Variants in CAMTA1 observed in about 807,000 individuals in gnomAD.
CAMTA1 encodes calmodulin binding transcription activator 1, also known as calmodulin-binding transcription activator 1.
Under a neutral mutation model 170.9 loss-of-function variants are expected in CAMTA1, and 27 were observed. The observed-to-expected ratio is 0.16, with a 90% CI of 0.12 to 0.22. The LOEUF (loss-of-function observed/expected upper bound fraction) is 0.22, where lower values mean the gene tolerates loss of function less well. Ranked by LOEUF, CAMTA1 falls within the 10% of genes least tolerant of loss-of-function variation. The pLI, the probability that CAMTA1 is intolerant of heterozygous loss-of-function variation, is 1.00. For synonymous variants in CAMTA1, 833 were observed against 891.5 expected (o/e 0.93, Z 1.17); for missense variants, 1,619 against 2,217.2 (o/e 0.73, Z 5.42).
intron 16 of CAMTA1, among the ~76,000 whole-genome samples, chr1:7,743,004 A>G (rs1204801286): frequency 6.6e-6 from 1 of 152,018 alleles, no homozygotes; most frequent in Non-Finnish European, 1.5e-5. Context: ...CTGCACCACC[A>G]TATCTGGCTA....
chr1:7,452,256 C>T (rs1463455236), intron 5 of CAMTA1, among the ~76,000 whole-genome samples: 3 of 152,206 alleles, frequency 2.0e-5, no homozygotes, highest in African/African-American at 4.8e-5. Context: ...GGCCCCCCTC[C>T]GCCCTGCCAG....
intron 14 of CAMTA1, 50 bp downstream of exon 14, chr1:7,737,059 A>AAATCC: frequency 6.7e-7 from 1 of 1,485,920 alleles, no homozygotes; most frequent in Non-Finnish European, 9.4e-7. Context: ...CCAGTCTGGC[A>AAATCC]TAGGATTTGC....
chr1:7,371,326 G>A (rs1354563104), intron 5 of CAMTA1, among the ~76,000 whole-genome samples: 5 of 151,736 alleles, frequency 3.3e-5, no homozygotes, highest in South Asian at 2.1e-4. Context: ...GGCGTATCTC[G>A]GCTCACTGCA....
rs2096078684 is a variant in CAMTA1 at position 7,673,467 on chromosome 1, C to T, written c.2779+2430C>T. On this transcript the variant is annotated intron_variant, in intron 10 of 22. Transcript: ENST00000303635. The surrounding 1 kb of genome is among the most constrained non-coding windows in gnomAD (Gnocchi z 4.6). The stretch of plus-strand genomic sequence containing the variant: ...GCTCTTCCTTTCCCAAGGGGGAGTT[C>T]GGAGAGGGTACCAGGGCAGTTTGGG... 6.6e-6 allele frequency among the ~76,000 whole-genome samples: 1 copy of T among 152,222 alleles called. No homozygotes were observed.
At chr1:7,499,102 A>G (rs1286122123) in intron 6 of CAMTA1, among the ~76,000 whole-genome samples, 4 of 122,798 alleles carry the variant, frequency 3.3e-5, no homozygotes, top group Non-Finnish European at 6.7e-5. Flanking sequence ...TGTGTCCATG[A>G]GTGAGTGTGT....
At chr1:6,961,330 A>G (rs1449072740) in intron 3 of CAMTA1, among the ~76,000 whole-genome samples, 7 of 152,204 alleles carry the variant, frequency 4.6e-5, no homozygotes, top group Non-Finnish European at 8.8e-5. Flanking sequence ...GGACTGACCT[A>G]GCGGGAACTG....
At position 6,959,756 on chromosome 1, in the gene CAMTA1, T is replaced by A. The variant is rs1013248; in HGVS notation, c.235-131548T>A. ...CATTTTCCTTGAGGTTACGTTGCTC[T>A]TGTAAGGTCACTTCACTAGTAAGTA... On this transcript the variant is annotated intron_variant, in intron 3 of 22. Coordinates refer to ENST00000303635, the MANE Select transcript of CAMTA1 (RefSeq NM_015215.4). Among the ~76,000 whole-genome samples the A allele has an allele frequency of 2.0e-5, 3 of 152,002 alleles. 1 individual carries two copies. Among genetic ancestry groups the A allele is most frequent in the African/African-American group, 7.3e-5 (3 of 41,350 alleles).
At chr1:7,622,391 C>A (rs773383471) in intron 6 of CAMTA1, among the ~76,000 whole-genome samples, 1 of 152,244 alleles carries the variant, frequency 6.6e-6, no homozygotes, top group Non-Finnish European at 1.5e-5. Flanking sequence ...CAAGTTCTTT[C>A]CATCATCTGG....
rs1024444508 is a variant in CAMTA1 at position 7,144,785 on chromosome 1, C to T, written c.302+53414C>T. ...GTCATTTTGGCTAATGGGTCTTCTCCAAAGAGTACTTTATTGTTTAAAGTA... is the reference window on the plus strand; with the variant it reads ...GTCATTTTGGCTAATGGGTCTTCTCTAAAGAGTACTTTATTGTTTAAAGTA... On this transcript the variant is annotated intron_variant, in intron 4 of 22. Coordinates refer to ENST00000303635, the MANE Select transcript of CAMTA1 (RefSeq NM_015215.4). This position sits in a 1 kb window ranked among gnomAD's most constrained non-coding sequence, Gnocchi z 4.0. Among the ~76,000 whole-genome samples the T allele has an allele frequency of 2.0e-5, 3 of 152,174 alleles. No individual in the cohort carries two copies. Among genetic ancestry groups the T allele is most frequent in the African/African-American group, 7.2e-5 (3 of 41,430 alleles).
At chr1:7,418,448 C>T (rs1252073676) in intron 5 of CAMTA1, among the ~76,000 whole-genome samples, 1 of 152,200 alleles carries the variant, frequency 6.6e-6, no homozygotes, top group Non-Finnish European at 1.5e-5. Context: ...GTCCGCCCAC[C>T]TTGGCCTCCC....
chr1:7,266,157 A>G (rs1048531343), intron 5 of CAMTA1, among the ~76,000 whole-genome samples: 2 of 152,232 alleles, frequency 1.3e-5, no homozygotes, highest in Non-Finnish European at 2.9e-5. Context: ...TTGGCAAGAG[A>G]ACAAGCCTGC....
At chr1:7,388,292 C>A (rs2088246013) in intron 5 of CAMTA1, 2 of 152,196 alleles carry the variant, frequency 1.3e-5, no homozygotes, top group South Asian at 4.1e-4. Flanking sequence ...TCAGCCCATG[C>A]CGGCTGCCCT....
chr1:7,243,318 A>G (rs1204382106), intron 4 of CAMTA1, among the ~76,000 whole-genome samples: 2 of 152,242 alleles, frequency 1.3e-5, no homozygotes, highest in Non-Finnish European at 2.9e-5. Flanking sequence ...CTTCACATTT[A>G]TAGATTAACT....
intron 3 of CAMTA1, among the ~76,000 whole-genome samples, chr1:6,894,957 C>T (rs763497539): frequency 2.7e-4 from 41 of 152,048 alleles, no homozygotes; most frequent in African/African-American, 9.4e-4. Flanking sequence ...TTTGCAAAGC[C>T]GGGAGACCAA....
chr1:6,877,017 A>T (rs1245236598), intron 3 of CAMTA1, among the ~76,000 whole-genome samples: 1 of 152,102 alleles, frequency 6.6e-6, no homozygotes, highest in African/African-American at 2.4e-5. Flanking sequence ...CCTGAGAGAG[A>T]AAGGTGCTTC....
At chr1:7,621,483 G>A (rs922412881) in intron 6 of CAMTA1, among the ~76,000 whole-genome samples, 3 of 152,192 alleles carry the variant, frequency 2.0e-5, no homozygotes, top group East Asian at 1.9e-4. Context: ...ATCGTGCCTC[G>A]GTGCTGACCT....
intron 4 of CAMTA1, among the ~76,000 whole-genome samples, chr1:7,176,196 G>C (rs1482728673): frequency 6.6e-6 from 1 of 152,256 alleles, no homozygotes; most frequent in Non-Finnish European, 1.5e-5. Context: ...CATTTTGTCA[G>C]ATCAGAGTTT....
At chr1:7,193,601 A>C (rs1202977484) in intron 4 of CAMTA1, among the ~76,000 whole-genome samples, 4 of 152,002 alleles carry the variant, frequency 2.6e-5, no homozygotes, top group Non-Finnish European at 4.4e-5. Context: ...GAGGTGAAGG[A>C]CGCAGACCCT....
At chr1:7,323,423 A>G (rs1678757837) in intron 5 of CAMTA1, among the ~76,000 whole-genome samples, 2 of 151,730 alleles carry the variant, frequency 1.3e-5, no homozygotes, top group African/African-American at 4.8e-5. Context: ...AGGAAATCCA[A>G]ACCACCCAAT....
Sources: gnomAD v4.1 joint callset for allele counts (sites outside exome capture counted in the v4.1 genomes callset) on GRCh38, gnomAD v4.1.1 for gene constraint, Gnocchi (gnomAD v3.1) non-coding constraint, MANE v1.5 for transcripts, NCBI Gene and HGNC (gene_info 2026-07-23, HGNC 2026-07-21) for gene names.